Variants in PARP12 observed in about 807,000 individuals in gnomAD.
The protein encoded by PARP12 is poly(ADP-ribose) polymerase family member 12, also known as protein mono-ADP-ribosyltransferase PARP12.
PARP12 carries 59 observed loss-of-function variants against 72.4 expected under a neutral mutation model. The ratio of observed to expected loss-of-function variants is 0.81; its 90% CI spans 0.66 to 1.01. The LOEUF is 1.01. Among genes scored for constraint, PARP12 ranks in the 50% least tolerant of loss-of-function variants. PARP12 has a pLI of 0.00. For missense variants in PARP12, 851 were observed against 914.0 expected (o/e 0.93, Z 0.89); for synonymous variants, 403 against 371.4 (o/e 1.09, Z -0.98).
intron 6 of PARP12, among the ~76,000 whole-genome samples, chr7:140,041,205 C>T (rs988566685): frequency 2.6e-5 from 4 of 152,196 alleles, no homozygotes; most frequent in African/African-American, 9.6e-5. Context: ...AATCAATTTT[C>T]TTATATTTGC....
chr7:140,041,856 G>A lies in PARP12; in HGVS notation c.987-17C>T, dbSNP rs2116585136. The A allele has an allele frequency of 6.3e-7, 1 of 1,593,898 alleles. No homozygotes were observed. The highest frequency in any genetic ancestry group is 8.6e-7 in the Non-Finnish European group (1 of 1,164,742). On this transcript the variant is annotated splice_polypyrimidine_tract_variant and intron_variant, in intron 5 of 11. Transcript: ENST00000263549. ...CACAGGATCCTACAGAAGAAAAACA[G>A]CAGCAGACTGAAAATCCCACCAGCC...
At position 140,041,642 on chromosome 7, in the gene PARP12, A is replaced by G; in HGVS notation, c.1182+2T>C. The G allele has an allele frequency of 1.2e-6, 2 of 1,612,688 alleles. No individual in the cohort carries two copies. Among genetic ancestry groups the G allele is most frequent in the Non-Finnish European group, 1.7e-6 (2 of 1,179,070 alleles). On this transcript the variant is annotated splice_donor_variant, in intron 6 of 11. Coordinates refer to ENST00000263549, the MANE Select transcript of PARP12 (RefSeq NM_022750.4). LOFTEE classifies it high-confidence loss of function. The stretch of plus-strand genomic sequence containing the variant: ...CATTCACCCTCTTTCCATCACACTT[A>G]CCTGTCTTCCATATTCCTGCCAAGA...
chr7:140,028,470 G>A lies in PARP12; in HGVS notation c.1497+143C>T, dbSNP rs187568819. 1.3e-3 allele frequency: 817 copies of A among 650,944 alleles called. 2 individuals are homozygous for A. The highest frequency in any genetic ancestry group is 1.7e-3 in the Non-Finnish European group (720 of 415,092). 40.3% of individuals were successfully genotyped at this position (650,944 alleles called of 1,614,324 possible). A position where few individuals can be genotyped will look rare whatever the true frequency, so the allele number is the denominator to read the frequency against. On this transcript the variant is annotated intron_variant, in intron 9 of 11. Transcript: ENST00000263549. Reference sequence around the variant, plus strand: ...TGCAAAAAACAAAAACAAAAATAAAGCCCACATCTGTCACTGCCCTCCTGC... The same window carrying A: ...TGCAAAAAACAAAAACAAAAATAAAACCCACATCTGTCACTGCCCTCCTGC...
At position 140,041,638 on chromosome 7, in the gene PARP12, A is replaced by G. The variant is rs749069989; in HGVS notation, c.1182+6T>C. 240 of 1,612,286 alleles carry G rather than the reference A, an allele frequency of 1.5e-4. No homozygotes were observed. Among genetic ancestry groups the G allele is most frequent in the Non-Finnish European group, 2.0e-4 (231 of 1,178,890 alleles). ...AAAACATTCACCCTCTTTCCATCAC[A>G]CTTACCTGTCTTCCATATTCCTGCC... On this transcript the variant is annotated splice_donor_region_variant and intron_variant, in intron 6 of 11. Coordinates refer to ENST00000263549, the MANE Select transcript of PARP12 (RefSeq NM_022750.4).
intron 8 of PARP12, 131 bp downstream of exon 8, chr7:140,034,104 A>ATC: frequency 7.2e-7 from 1 of 1,385,862 alleles, no homozygotes; most frequent in South Asian, 1.5e-5. Context: ...AAACGATAAC[A>ATC]GAGTGTGGGA....
At chr7:140,048,629 A>C (rs1816832543) in intron 4 of PARP12, among the ~76,000 whole-genome samples, 5 of 152,264 alleles carry the variant, frequency 3.3e-5, no homozygotes, top group Admixed American at 2.0e-4. Context: ...CTAACTAAAC[A>C]CACACACATG....
chr7:140,033,835 C>T (rs1268673328), intron 8 of PARP12: 1 of 987,792 alleles, frequency 1.0e-6, no homozygotes, highest in African/African-American at 1.7e-5. Context: ...CCGTGATATT[C>T]AAATACTAAA....
rs746067980 is a variant in PARP12, at chr7:140,024,499, A to C, written c.*61T>G. On this transcript the variant is annotated 3_prime_UTR_variant, in exon 12 of 12. Transcript: ENST00000263549. ...AAAGTTTCTGTTTAAAAAGAAAAGG[A>C]AAGGCCCAAATAGCCATTTCAAGGC... 28 of 1,542,828 alleles carry C rather than the reference A, an allele frequency of 1.8e-5. No individual in the cohort carries two copies. The Admixed American group carries it at 2.2e-4, about 12-fold the overall frequency.
chr7:140,062,676 C>T lies in PARP12; in HGVS notation c.172G>A (p.Ala58Thr). Reference protein sequence around the residue: ...RFVVAVRAGGAAAAPERVVLA... With the variant: ...RFVVAVRAGGTAAAPERVVLA... ...ACCACGCGCTCCGGGGCCGCGGCTG[C>T]GCCGCCCGCCCGCACCGCCACCACG... The change falls in exon 1 of 12, where the codon GCA becomes ACA. Residue 58 changes from alanine to threonine, a missense_variant. Physicochemically the swap from Ala to Thr is moderately conservative, Grantham distance 58. Transcript: ENST00000263549. 1.6e-6 allele frequency: 2 copies of T among 1,266,900 alleles called. No homozygotes were observed. The highest frequency in any genetic ancestry group is 2.0e-6 in the Non-Finnish European group (2 of 1,009,590). The allele number at this position is 1,266,900 out of a possible 1,614,324, so 78.5% of individuals were successfully genotyped here. A position where few individuals can be genotyped will look rare whatever the true frequency, so the allele number is the denominator to read the frequency against.
In PARP12 at chr7:140,025,888, C is replaced by T. The variant is rs1280090593; in HGVS notation, c.1780+309G>A. Among the ~76,000 whole-genome samples, 5 of 152,202 alleles carry T rather than the reference C, an allele frequency of 3.3e-5. 1 individual carries two copies. The highest frequency in any genetic ancestry group is 3.3e-4 in the Admixed American group (5 of 15,284). On this transcript the variant is annotated intron_variant, in intron 11 of 11. Transcript: ENST00000263549. The stretch of plus-strand genomic sequence containing the variant: ...ATAGTAAAGGCACAGTCAGGGACTT[C>T]ATCAGGGCTGGGAAGGTATCCCCTC...
rs769307828 is a variant in PARP12 at position 140,054,764 on chromosome 7, C to G, written c.761-1G>C. On this transcript the variant is annotated splice_acceptor_variant, in intron 3 of 11. Transcript: ENST00000263549. LOFTEE classifies it high-confidence loss of function. The stretch of plus-strand genomic sequence containing the variant: ...ACAGAACCTGAACTGTCTTTTCTTT[C>G]TGCAAAGAAACACCACAAAGATATG... 7.5e-6 allele frequency: 12 copies of G among 1,605,558 alleles called. No homozygotes were observed. The highest frequency in any genetic ancestry group is 9.4e-6 in the Non-Finnish European group (11 of 1,172,208).
intron 1 of PARP12, among the ~76,000 whole-genome samples, chr7:140,061,982 CCGG>C (rs1460412359): frequency 2.9e-5 from 1 of 34,582 alleles, no homozygotes; most frequent in African/African-American, 1.2e-4. Context: ...CCAGAAATGC[CCGG>C]GGGGGGGGGG....
chr7:140,044,664 G>A (rs1041442179), intron 5 of PARP12, among the ~76,000 whole-genome samples: 4 of 152,244 alleles, frequency 2.6e-5, no homozygotes, highest in Admixed American at 6.5e-5. Flanking sequence ...ATACCACCTC[G>A]ATTTAGGCTG....
At chr7:140,037,684 C>T in intron 7 of PARP12, 31 bp downstream of exon 7, 1 of 1,608,934 alleles carries the variant, frequency 6.2e-7, no homozygotes, top group Non-Finnish European at 8.5e-7. Context: ...CACAGGCAGG[C>T]TCTGCTGGGC....
chr7:140,052,386 C>T (rs962815005), intron 4 of PARP12, among the ~76,000 whole-genome samples: 1 of 152,142 alleles, frequency 6.6e-6, no homozygotes, highest in Non-Finnish European at 1.5e-5. Context: ...CCATCTTTAA[C>T]ATTCTCTCAT....
rs1419655748 is a variant in PARP12, at chr7:140,062,597, C to T, written c.251G>A (p.Gly84Asp). ...LCRAHQGSKP[G>D]CVGLCAQLHL... is the part of the protein sequence containing the mutation. ...GAGCTGCGCGCAGAGCCCCACGCAG[C>T]CCGGCTTGGAGCCCTGGTGCGCGCG... The change falls in exon 1 of 12, where the codon GGC becomes GAC. Residue 84 changes from glycine to aspartate, a missense_variant. This residue lies in a region of PARP12 where 492 missense variants were observed against 489.3 expected (regional missense o/e 1.01). Coordinates refer to ENST00000263549, the MANE Select transcript of PARP12 (RefSeq NM_022750.4). 3 of 1,526,428 alleles carry T rather than the reference C, an allele frequency of 2.0e-6. No individual in the cohort carries two copies. Among genetic ancestry groups the T allele is most frequent in the Non-Finnish European group, 1.8e-6 (2 of 1,141,304 alleles). The allele number at this position is 1,526,428 out of a possible 1,614,324, so 94.6% of individuals were successfully genotyped here. A position where few individuals can be genotyped will look rare whatever the true frequency, so the allele number is the denominator to read the frequency against.
At chr7:140,050,739 C>T (rs1052544571) in intron 4 of PARP12, among the ~76,000 whole-genome samples, 13 of 152,124 alleles carry the variant, frequency 8.5e-5, no homozygotes, top group African/African-American at 3.1e-4. Flanking sequence ...TAGGAAAACA[C>T]CATAAGAGAA....
chr7:140,061,670 T>C (rs1817449727), intron 1 of PARP12, among the ~76,000 whole-genome samples: 1 of 152,136 alleles, frequency 6.6e-6, no homozygotes, highest in South Asian at 2.1e-4. Context: ...GCCCAAATTC[T>C]TTAGCATAAA....
In PARP12 at chr7:140,062,690, A is replaced by T. The variant is rs751812817; in HGVS notation, c.158T>A (p.Val53Glu). ...GGCCGCGGCTGCGCCGCCCGCCCGC[A>T]CCGCCACCACGAAGCGCCCACGCTG... The part of the protein sequence containing the change: ...LRQRGRFVVA[V>E]RAGGAAAAPE... The change falls in exon 1 of 12, where the codon GTG becomes GAG. Residue 53 changes from valine to glutamate, a missense_variant. Coordinates refer to ENST00000263549, the MANE Select transcript of PARP12 (RefSeq NM_022750.4). 1 of 1,296,088 alleles carries T rather than the reference A, an allele frequency of 7.7e-7. No individual in the cohort carries two copies. Among genetic ancestry groups the T allele is most frequent in the South Asian group, 2.1e-5 (1 of 47,486 alleles). 80.3% of individuals were successfully genotyped at this position (1,296,088 alleles called of 1,614,324 possible).
Sources: allele counts gnomAD v4.1 joint callset (sites outside exome capture counted in the v4.1 genomes callset), GRCh38; gene constraint gnomAD v4.1.1; regional missense constraint gnomAD v4.1.1; transcripts MANE v1.5; gene names NCBI Gene and HGNC (gene_info 2026-07-23, HGNC 2026-07-21).